Variants in ATRNL1 observed in about 807,000 individuals in gnomAD.
ATRNL1 encodes attractin-like protein 1.
ATRNL1 carries 95 observed loss-of-function variants against 182.7 expected under a neutral mutation model. The ratio of observed to expected loss-of-function variants is 0.52; its 90% CI spans 0.44 to 0.62. The LOEUF is 0.62. ATRNL1 is among the 20% of genes least tolerant of loss of function. The pLI, the probability that ATRNL1 is intolerant of heterozygous loss-of-function variation, is 0.00. For missense variants in ATRNL1, 1,471 were observed against 1,679.5 expected, an observed-to-expected ratio of 0.88 and a Z score of 2.17; for synonymous variants, 576 against 568.3, an observed-to-expected ratio of 1.01 and a Z score of -0.19.
intron 27 of ATRNL1, among the ~76,000 whole-genome samples, chr10:115,802,919 T>G (rs1439527043): frequency 6.6e-6 from 1 of 152,200 alleles, no homozygotes; most frequent in Non-Finnish European, 1.5e-5. Flanking sequence ...CATTTCCCAT[T>G]GACAGGCAAA....
chr10:115,836,046 T>C (rs1950663922), intron 27 of ATRNL1, among the ~76,000 whole-genome samples: 1 of 152,196 alleles, frequency 6.6e-6, no homozygotes, highest in Admixed American at 6.6e-5. Flanking sequence ...TCCTGGGGAA[T>C]CCAACGTATA....
intron 18 of ATRNL1, among the ~76,000 whole-genome samples, chr10:115,333,707 A>G (rs1302143828): frequency 6.6e-6 from 1 of 151,936 alleles, no homozygotes; most frequent in African/African-American, 2.4e-5. Flanking sequence ...GGCTGGTCTC[A>G]AACTCCTCAC....
At chr10:115,831,242 AG>A (rs1363909994) in intron 27 of ATRNL1, among the ~76,000 whole-genome samples, 5 of 152,040 alleles carry the variant, frequency 3.3e-5, no homozygotes, top group African/African-American at 1.2e-4. Flanking sequence ...AAGCCAGAGG[AG>A]GCCTGTTCAC....
At chr10:115,237,002 T>C (rs1850215197) in intron 9 of ATRNL1, among the ~76,000 whole-genome samples, 1 of 152,212 alleles carries the variant, frequency 6.6e-6, no homozygotes, top group South Asian at 2.1e-4. Context: ...TCATGTAGTA[T>C]GTAGCCTTTT....
chr10:115,802,518 C>T (rs945255330), intron 27 of ATRNL1, among the ~76,000 whole-genome samples: 2 of 152,126 alleles, frequency 1.3e-5, no homozygotes, highest in African/African-American at 2.4e-5. Context: ...AAATACAATT[C>T]ATTTGAAGTT....
chr10:115,370,179 C>G (rs912000733), intron 19 of ATRNL1, among the ~76,000 whole-genome samples: 1 of 152,292 alleles, frequency 6.6e-6, no homozygotes, highest in East Asian at 1.9e-4. Context: ...AACTGTAAGT[C>G]CATTAAACCT....
At chr10:115,154,005 T>C (rs1554881423) in intron 5 of ATRNL1, among the ~76,000 whole-genome samples, 1 of 151,374 alleles carries the variant, frequency 6.6e-6, no homozygotes, top group Non-Finnish European at 1.5e-5. Context: ...TCAGTTTCCA[T>C]GTAGTTGAGC....
At chr10:115,474,423 G>A (rs938255317) in intron 24 of ATRNL1, among the ~76,000 whole-genome samples, 3 of 151,280 alleles carry the variant, frequency 2.0e-5, no homozygotes, top group African/African-American at 7.3e-5. Flanking sequence ...TCCTAGTGAA[G>A]TCCTTTTTAG....
chr10:115,535,729 C>G (rs910869839), intron 25 of ATRNL1, among the ~76,000 whole-genome samples: 4 of 152,024 alleles, frequency 2.6e-5, no homozygotes, highest in Non-Finnish European at 5.9e-5. Context: ...TTTTCCCCAT[C>G]TTTGTGGTTT....
intron 26 of ATRNL1, among the ~76,000 whole-genome samples, chr10:115,623,485 G>T (rs1857904386): frequency 6.6e-6 from 1 of 152,046 alleles, no homozygotes; most frequent in African/African-American, 2.4e-5. Context: ...TATGGAAAAA[G>T]CACTACTTAG....
intron 25 of ATRNL1, among the ~76,000 whole-genome samples, chr10:115,528,131 A>T (rs1554987211): frequency 6.6e-6 from 1 of 150,810 alleles, no homozygotes; most frequent in East Asian, 2.0e-4. Context: ...ATTAATATGT[A>T]GTATGCTGGT....
At chr10:115,557,148 G>A (rs557368464) in intron 26 of ATRNL1, among the ~76,000 whole-genome samples, 1 of 152,116 alleles carries the variant, frequency 6.6e-6, no homozygotes, top group African/African-American at 2.4e-5. Context: ...CTGTGCTTCT[G>A]TGTTCACTCC....
chr10:115,627,129 T>A (rs1858159621), intron 26 of ATRNL1, among the ~76,000 whole-genome samples: 1 of 152,124 alleles, frequency 6.6e-6, no homozygotes, highest in African/African-American at 2.4e-5. Context: ...ACCGCTTCCA[T>A]CTAGTTTCAA....
chr10:115,791,826 G>A (rs114770212), intron 27 of ATRNL1, among the ~76,000 whole-genome samples: 1,896 of 152,016 alleles, frequency 0.012, 47 homozygotes, highest in African/African-American at 0.044. Context: ...CTTTTGATAT[G>A]AGTCAGAATC....
At chr10:115,474,502 G>T (rs530913788) in intron 24 of ATRNL1, among the ~76,000 whole-genome samples, 3 of 151,322 alleles carry the variant, frequency 2.0e-5, no homozygotes, top group East Asian at 3.9e-4. Flanking sequence ...GATTTGGGAA[G>T]TTTTGAGCCA....
intron 26 of ATRNL1, among the ~76,000 whole-genome samples, chr10:115,704,785 C>T (rs540557952): frequency 1.5e-4 from 23 of 151,978 alleles, no homozygotes; most frequent in Middle Eastern, 3.4e-3. Flanking sequence ...ATTGACTGTT[C>T]TATGCTATTT....
At chr10:115,909,913 T>C (rs1310758636) in intron 28 of ATRNL1, among the ~76,000 whole-genome samples, 1 of 152,108 alleles carries the variant, frequency 6.6e-6, no homozygotes, top group Non-Finnish European at 1.5e-5. Context: ...CACAAATAAC[T>C]GAGTCCTCAT....
At chr10:115,796,709 TA>T (rs1949662569) in intron 27 of ATRNL1, among the ~76,000 whole-genome samples, 1 of 152,218 alleles carries the variant, frequency 6.6e-6, no homozygotes, top group East Asian at 1.9e-4. Flanking sequence ...GAAAGGAAAG[TA>T]AATCATAAGC....
chr10:115,411,808 CT>C (rs1845154917), intron 20 of ATRNL1, among the ~76,000 whole-genome samples: 1 of 151,980 alleles, frequency 6.6e-6, no homozygotes, highest in Non-Finnish European at 1.5e-5. Flanking sequence ...TCTCAATTTG[CT>C]TTTTTATTAT....
Sources: allele counts gnomAD v4.1 joint callset (sites outside exome capture counted in the v4.1 genomes callset), GRCh38; gene constraint gnomAD v4.1.1; transcripts MANE v1.5; gene names NCBI Gene and HGNC (gene_info 2026-07-23, HGNC 2026-07-21).